The following GSG1L variants were observed in gnomAD, a reference collection of about 807,000 sequenced individuals.
GSG1L encodes germ cell-specific gene 1-like protein.
Under a neutral mutation model 42.1 loss-of-function variants are expected in GSG1L, and 24 were observed. That is an observed-to-expected ratio of 0.57 (90% CI 0.41 to 0.80). The LOEUF is 0.80. Ranked by LOEUF, GSG1L falls within the 30% of genes least tolerant of loss-of-function variation. The pLI, the probability that GSG1L is intolerant of heterozygous loss-of-function variation, is 0.00. For missense variants in GSG1L, 445 were observed against 472.2 expected, an observed-to-expected ratio of 0.94 and a Z score of 0.53; for synonymous variants, 215 against 203.5, an observed-to-expected ratio of 1.06 and a Z score of -0.48.
chr16:27,796,217 T>C (rs2082816310), intron 6 of GSG1L, among the ~76,000 whole-genome samples: 1 of 152,184 alleles, frequency 6.6e-6, no homozygotes, highest in African/African-American at 2.4e-5. Flanking sequence ...AGCCTCTCTC[T>C]ATAGGACTCA....
rs71140935 is a variant in GSG1L at position 27,973,439 on chromosome 16, CAAAAAAAAAAAA to C, written c.350-10248_350-10237del. On this transcript the variant is annotated intron_variant, in intron 1 of 6. Coordinates refer to ENST00000447459, the MANE Select transcript of GSG1L (RefSeq NM_001109763.2). ...AGCCTGGGCAATAAAGACCCCATCA[CAAAAAAAAAAAA>C]AAAAAAAAAAAAAAAAAGAGTGTGT... 7.0e-4 allele frequency among the ~76,000 whole-genome samples: 21 copies of C among 29,856 alleles called. No homozygotes were observed. In the Admixed American group the frequency reaches 7.8e-3, roughly 11 times the overall value. 19.6% of individuals were successfully genotyped at this position (29,856 alleles called of 152,430 possible).
At chr16:27,924,366 G>A (rs1027691128) in intron 2 of GSG1L, among the ~76,000 whole-genome samples, 3 of 152,088 alleles carry the variant, frequency 2.0e-5, no homozygotes, top group Admixed American at 6.6e-5. Flanking sequence ...AAGAGAGAGA[G>A]AAATGAACAA....
intron 4 of GSG1L, among the ~76,000 whole-genome samples, chr16:27,838,543 A>C (rs1242195104): frequency 6.6e-6 from 1 of 152,144 alleles, no homozygotes; most frequent in Non-Finnish European, 1.5e-5. Context: ...AGGGGTTGTC[A>C]ATTCTTCATC....
At chr16:27,860,653 T>A (rs2083637357) in intron 3 of GSG1L, among the ~76,000 whole-genome samples, 1 of 152,190 alleles carries the variant, frequency 6.6e-6, no homozygotes, top group Admixed American at 6.5e-5. Context: ...ATATGGAGAA[T>A]TTCCATCAAG....
intron 6 of GSG1L, among the ~76,000 whole-genome samples, chr16:27,798,270 C>A (rs926962236): frequency 6.6e-6 from 1 of 152,116 alleles, no homozygotes; most frequent in African/African-American, 2.4e-5. Flanking sequence ...AAGGCAGAGA[C>A]GAACGTGTTC....
At position 27,904,284 on chromosome 16, in the gene GSG1L, G is replaced by A. The variant is rs141904320; in HGVS notation, c.398-19646C>T. Reference sequence around the variant, plus strand: ...GGGGTTTGGCTATATTGTCCAAGCTGGTCTTAAACTCCTGAGGTCAAGTGA... The same window carrying A: ...GGGGTTTGGCTATATTGTCCAAGCTAGTCTTAAACTCCTGAGGTCAAGTGA... On this transcript the variant is annotated intron_variant, in intron 2 of 6. Transcript: ENST00000447459. Among the ~76,000 whole-genome samples the A allele has an allele frequency of 4.0e-3, 605 of 152,064 alleles. 4 individuals carry two copies. The highest frequency in any genetic ancestry group is 0.013 in the African/African-American group (526 of 41,454).
chr16:27,802,002 T>G (rs190894054), intron 6 of GSG1L, among the ~76,000 whole-genome samples: 78 of 152,282 alleles, frequency 5.1e-4, no homozygotes, highest in African/African-American at 1.7e-3. Context: ...ATCATCATGA[T>G]AGCCCTGGAG....
At chr16:27,844,370 A>G (rs1440983024) in intron 4 of GSG1L, among the ~76,000 whole-genome samples, 2 of 151,972 alleles carry the variant, frequency 1.3e-5, no homozygotes, top group African/African-American at 4.8e-5. Flanking sequence ...ACTGGAGTCC[A>G]CCTACCCCAT....
intron 5 of GSG1L, among the ~76,000 whole-genome samples, chr16:27,815,122 T>C (rs1347688472): frequency 6.6e-6 from 1 of 152,138 alleles, no homozygotes; most frequent in Non-Finnish European, 1.5e-5. Flanking sequence ...AAGATGGTGG[T>C]GGTGTAAGAA....
chr16:27,866,481 C>T (rs773621640), intron 3 of GSG1L, among the ~76,000 whole-genome samples: 16 of 152,142 alleles, frequency 1.1e-4, no homozygotes, highest in Non-Finnish European at 2.1e-4. Flanking sequence ...GAAAATTTGG[C>T]CCAAAGCACA....
chr16:28,009,775 T>C (rs1341234591), intron 1 of GSG1L, among the ~76,000 whole-genome samples: 5 of 152,182 alleles, frequency 3.3e-5, no homozygotes, highest in South Asian at 4.1e-4. Context: ...TCACTGCCTC[T>C]CTCTGAGTCT....
chr16:28,061,553 G>A (rs970313996), intron 1 of GSG1L, among the ~76,000 whole-genome samples: 3 of 152,128 alleles, frequency 2.0e-5, no homozygotes, highest in Non-Finnish European at 4.4e-5. Context: ...GTATGCACCC[G>A]GCAAATGTTT....
chr16:27,800,659 C>G (rs2082871188), intron 6 of GSG1L, among the ~76,000 whole-genome samples: 1 of 152,180 alleles, frequency 6.6e-6, no homozygotes, highest in African/African-American at 2.4e-5. Flanking sequence ...ATCACAGTAG[C>G]CCCCCAGAAT....
chr16:27,789,637 G>A lies in GSG1L; in HGVS notation c.*1733C>T, dbSNP rs1279477020. Reference sequence around the variant, plus strand: ...GATAATGGATAAATAGCTAACGAATGGGTGGATGGATGATGAATGGATGGA... The same window carrying A: ...GATAATGGATAAATAGCTAACGAATAGGTGGATGGATGATGAATGGATGGA... On this transcript the variant is annotated 3_prime_UTR_variant, in exon 7 of 7. Transcript: ENST00000447459. 6.6e-6 allele frequency: 1 copy of A among 151,602 alleles called. No individual in the cohort carries two copies. Among genetic ancestry groups the A allele is most frequent in the African/African-American group, 2.4e-5 (1 of 41,298 alleles). 9.4% of individuals were successfully genotyped at this position (151,602 alleles called of 1,614,324 possible).
chr16:27,811,435 C>T (rs184140334), intron 5 of GSG1L, among the ~76,000 whole-genome samples: 13 of 152,282 alleles, frequency 8.5e-5, no homozygotes, highest in African/African-American at 2.6e-4. Context: ...GTCACGAAGT[C>T]AGAACTGGAC....
chr16:27,830,727 C>T (rs2140968164), intron 4 of GSG1L, among the ~76,000 whole-genome samples: 1 of 152,334 alleles, frequency 6.6e-6, no homozygotes, highest in Middle Eastern at 3.4e-3. Flanking sequence ...GAAAGCTGGT[C>T]CAATCAGATA....
chr16:27,837,588 C>T (rs1167437358), intron 4 of GSG1L, among the ~76,000 whole-genome samples: 1 of 152,224 alleles, frequency 6.6e-6, no homozygotes, highest in Non-Finnish European at 1.5e-5. Context: ...AAAATCCTGA[C>T]TCTCCACTAG....
intron 2 of GSG1L, among the ~76,000 whole-genome samples, chr16:27,911,571 C>T (rs1450801000): frequency 2.6e-5 from 4 of 152,184 alleles, no homozygotes; most frequent in Non-Finnish European, 5.9e-5. Context: ...TCTCTTTACT[C>T]CAGGCATCTC....
At chr16:27,956,173 T>C (rs2085003115) in intron 2 of GSG1L, among the ~76,000 whole-genome samples, 1 of 152,212 alleles carries the variant, frequency 6.6e-6, no homozygotes, top group Admixed American at 6.5e-5. Context: ...TGACTGTTAA[T>C]AGTTATATAT....
Sources: gnomAD v4.1 joint callset for allele counts (sites outside exome capture counted in the v4.1 genomes callset) on GRCh38, gnomAD v4.1.1 for gene constraint, MANE v1.5 for transcripts, NCBI Gene and HGNC (gene_info 2026-07-23, HGNC 2026-07-21) for gene names.